ATF2: variants seen among roughly 807,000 people sequenced by gnomAD.
ATF2 encodes the protein activating transcription factor 2.
ATF2 carries 24 observed loss-of-function variants against 60.6 expected under a neutral mutation model. The observed-to-expected ratio is 0.40, with a 90% confidence interval of 0.29 to 0.56. The LOEUF is 0.56. Among genes scored for constraint, ATF2 ranks in the 20% least tolerant of loss-of-function variants. ATF2 has a pLI of 0.54. For missense variants in ATF2, 433 were observed against 607.7 expected, an observed-to-expected ratio of 0.71 and a Z score of 3.02; for synonymous variants, 206 against 215.4, an observed-to-expected ratio of 0.96 and a Z score of 0.38.
In ATF2 at chr2:175,118,835, A is replaced by T. The variant is rs377441518; in HGVS notation, c.200-466T>A. ...TATTATGAAAGCAAACTAAGATAAA[A>T]CAATCTTTAATAGGTAGATAAAAAT... On this transcript the variant is annotated intron_variant, in intron 5 of 13. Coordinates refer to ENST00000264110, the MANE Select transcript of ATF2 (RefSeq NM_001880.4). Among the ~76,000 whole-genome samples the T allele has an allele frequency of 2.1e-4, 32 of 151,808 alleles. No homozygotes were observed. In the East Asian group the frequency reaches 5.6e-3, roughly 27 times the overall value.
At chr2:175,166,080 T>A (rs890491402) in intron 1 of ATF2, among the ~76,000 whole-genome samples, 5 of 152,058 alleles carry the variant, frequency 3.3e-5, no homozygotes, top group African/African-American at 1.2e-4. Flanking sequence ...AAATAAACAT[T>A]CGGATAAGAT....
chr2:175,157,092 G>A (rs1437756568), intron 1 of ATF2, among the ~76,000 whole-genome samples: 1 of 152,112 alleles, frequency 6.6e-6, no homozygotes, highest in East Asian at 1.9e-4. Flanking sequence ...CTGGGTTTTC[G>A]TGAAATTCAG....
At chr2:175,156,802 A>G (rs1699717615) in intron 1 of ATF2, among the ~76,000 whole-genome samples, 1 of 152,138 alleles carries the variant, frequency 6.6e-6, no homozygotes, top group Admixed American at 6.5e-5. Context: ...GCCCGCCTGG[A>G]CTTCTGGCCT....
At chr2:175,149,688 A>T (rs1699181639) in intron 2 of ATF2, among the ~76,000 whole-genome samples, 1 of 152,198 alleles carries the variant, frequency 6.6e-6, no homozygotes, top group Admixed American at 6.6e-5. Context: ...AGCTCACAGG[A>T]TAGTCTCAAA....
chr2:175,158,555 CCTGATCCTACGG>C (rs1699828055), intron 1 of ATF2, among the ~76,000 whole-genome samples: 2 of 152,052 alleles, frequency 1.3e-5, no homozygotes, highest in South Asian at 4.1e-4. Flanking sequence ...CTTAAAGCTT[CCTGATCCTACGG>C]CAAGAAGCAA....
At chr2:175,075,346 T>C (rs763800442) in intron 13 of ATF2, among the ~76,000 whole-genome samples, 1 of 152,192 alleles carries the variant, frequency 6.6e-6, no homozygotes, top group Non-Finnish European at 1.5e-5. Context: ...CAGCCATGGA[T>C]GATTATAACA....
intron 2 of ATF2, among the ~76,000 whole-genome samples, chr2:175,148,943 T>C (rs1413718614): frequency 6.6e-6 from 1 of 152,146 alleles, no homozygotes; most frequent in Non-Finnish European, 1.5e-5. Flanking sequence ...CTAAAATGTA[T>C]AAAACCAAGC....
At chr2:175,149,238 G>T (rs1699148272) in intron 2 of ATF2, among the ~76,000 whole-genome samples, 1 of 152,214 alleles carries the variant, frequency 6.6e-6, no homozygotes, top group South Asian at 2.1e-4. Flanking sequence ...TATGGCCCTG[G>T]GTCAAAGTGC....
At chr2:175,093,356 A>C in intron 11 of ATF2, 89 bp from the exon 12 acceptor site, 1 of 1,311,458 alleles carries the variant, frequency 7.6e-7, no homozygotes, top group Non-Finnish European at 1.1e-6. Context: ...GGGGAGAGCA[A>C]CTGTATTTTC....
chr2:175,075,050 GC>G, intron 13 of ATF2: 1 of 1,419,628 alleles, frequency 7.0e-7, no homozygotes, highest in Non-Finnish European at 9.2e-7. Flanking sequence ...ACATCTGGGT[GC>G]CCACTGCCTT....
chr2:175,134,204 G>A lies in ATF2; in HGVS notation c.32+2208C>T, dbSNP rs954321972. On this transcript the variant is annotated intron_variant, in intron 3 of 13. Transcript: ENST00000264110. Reference sequence around the variant, plus strand: ...ATATAGTGTAACAACTATTCACACAGCATATGCATTGTAGTAGGTATTAAA... The same window carrying A: ...ATATAGTGTAACAACTATTCACACAACATATGCATTGTAGTAGGTATTAAA... Among the ~76,000 whole-genome samples, 3 of 152,104 alleles carry A rather than the reference G, an allele frequency of 2.0e-5. No homozygotes were observed. The South Asian group carries it at 6.2e-4, about 32-fold the overall frequency.
chr2:175,148,772 G>C (rs1699114561), intron 2 of ATF2, among the ~76,000 whole-genome samples: 1 of 152,038 alleles, frequency 6.6e-6, no homozygotes, highest in Non-Finnish European at 1.5e-5. Flanking sequence ...ATTGATTCCA[G>C]GTCTTTAGAT....
chr2:175,153,614 G>A (rs1699454063), intron 1 of ATF2, among the ~76,000 whole-genome samples: 1 of 152,110 alleles, frequency 6.6e-6, no homozygotes, highest in South Asian at 2.1e-4. Flanking sequence ...TGGATCACAA[G>A]GTCAGGAGTT....
rs71419413 is a variant in ATF2, at chr2:175,074,283, T to A, written c.*326A>T. 276 of 190,258 alleles carry A rather than the reference T, an allele frequency of 1.5e-3. 4 individuals are homozygous for A. The highest frequency in any genetic ancestry group is 8.8e-3 in the South Asian group (93 of 10,526). The allele number at this position is 190,258 out of a possible 1,614,324, so 11.8% of individuals were successfully genotyped here. On this transcript the variant is annotated 3_prime_UTR_variant, in exon 14 of 14. Coordinates refer to ENST00000264110, the MANE Select transcript of ATF2 (RefSeq NM_001880.4). ...AATGGAAGTGGGAAGAAAGATTCAG[T>A]AACACCCCCATTTATTAAAACACCA...
chr2:175,139,446 C>A (rs79863014), intron 2 of ATF2, among the ~76,000 whole-genome samples: 6,010 of 151,874 alleles, frequency 0.04, 137 homozygotes, highest in Admixed American at 0.094. Context: ...CCGAGGCGGG[C>A]AAATCACCTG....
rs1693714746 is a variant in ATF2 at position 175,080,901 on chromosome 2, A to G, written c.1186-136T>C. ...AACAAAGAAAATATGCTGATTAAAT[A>G]TGTCTAATCAGCACAGGGCAGCTTT... On this transcript the variant is annotated intron_variant, in intron 12 of 13. Coordinates refer to ENST00000264110, the MANE Select transcript of ATF2 (RefSeq NM_001880.4). The G allele has an allele frequency of 9.9e-6, 6 of 604,300 alleles. No homozygotes were observed. In the South Asian group the frequency reaches 1.1e-4, roughly 11 times the overall value. The allele number at this position is 604,300 out of a possible 1,614,324, so 37.4% of individuals were successfully genotyped here.
chr2:175,097,337 G>T (rs1391593436), intron 11 of ATF2, 107 bp downstream of exon 11: 2 of 1,442,124 alleles, frequency 1.4e-6, no homozygotes, highest in African/African-American at 1.4e-5. Flanking sequence ...TACATCTTTG[G>T]AATAACAACA....
intron 5 of ATF2, among the ~76,000 whole-genome samples, chr2:175,119,213 A>AT (rs1696786732): frequency 6.6e-6 from 1 of 151,644 alleles, no homozygotes; most frequent in African/African-American, 2.4e-5. Flanking sequence ...TAGTGTTACT[A>AT]TTTTCAAGGG....
At chr2:175,097,062 G>C (rs1047046911) in intron 11 of ATF2, among the ~76,000 whole-genome samples, 4 of 151,926 alleles carry the variant, frequency 2.6e-5, no homozygotes, top group Admixed American at 2.6e-4. Flanking sequence ...TTATTTTTCT[G>C]GTTATATAAC....
Sources: gnomAD v4.1 joint callset for allele counts (sites outside exome capture counted in the v4.1 genomes callset) on GRCh38, gnomAD v4.1.1 for gene constraint, MANE v1.5 for transcripts, NCBI Gene and HGNC (gene_info 2026-07-23, HGNC 2026-07-21) for gene names.